Variants in RANBP2 observed in about 807,000 individuals in gnomAD.
RANBP2 encodes the protein E3 SUMO-protein ligase RanBP2.
In RANBP2, 57 loss-of-function variants were observed where a neutral mutation model predicts 303.6. The observed-to-expected ratio is 0.19, with a 90% CI of 0.15 to 0.23. The LOEUF (loss-of-function observed/expected upper bound fraction) is 0.23. Among genes scored for constraint, RANBP2 ranks in the 10% least tolerant of loss-of-function variants. The pLI is 1.00. For missense variants in RANBP2, 3,138 were observed against 3,780.8 expected (o/e 0.83, Z 4.46); for synonymous variants, 1,167 against 1,301.5 (o/e 0.90, Z 2.23).
At chr2:109,180,959 TAC>T in the RANBP2 span, among the ~76,000 whole-genome samples, 2 of 152,226 alleles carry the variant, frequency 1.3e-5, no homozygotes, top group Admixed American at 6.5e-5. Context: ...GCAATATGTT[TAC>T]CCTGATGCAA....
chr2:109,090,336 A>C, the RANBP2 span, among the ~76,000 whole-genome samples: 62,962 of 143,634 alleles, frequency 0.44, 14,244 homozygotes, highest in South Asian at 0.58. Flanking sequence ...ACACACACAC[A>C]CACACACACA....
the RANBP2 span, among the ~76,000 whole-genome samples, chr2:109,445,320 C>T: frequency 6.6e-6 from 1 of 152,164 alleles, no homozygotes; most frequent in Non-Finnish European, 1.5e-5. Flanking sequence ...CAAGTCCTCA[C>T]ACAGAAAGCA....
chr2:108,889,310 A>G, the RANBP2 span, among the ~76,000 whole-genome samples: 14 of 152,276 alleles, frequency 9.2e-5, no homozygotes, highest in African/African-American at 2.2e-4. Context: ...GTTAGGACCA[A>G]TTGCTCTAAA....
At chr2:109,199,597 T>TCATTCC in the RANBP2 span, among the ~76,000 whole-genome samples, 1 of 274 alleles carries the variant, frequency 3.6e-3, no homozygotes, top group Non-Finnish European at 6.8e-3. Context: ...TGGAATGGAA[T>TCATTCC]GGAATGGAAT....
the RANBP2 span, among the ~76,000 whole-genome samples, chr2:109,560,166 C>T: frequency 2.0e-5 from 3 of 152,230 alleles, no homozygotes; most frequent in South Asian, 2.1e-4. Flanking sequence ...GTGATCCGCC[C>T]GCCTCAGCCT....
the RANBP2 span, among the ~76,000 whole-genome samples, chr2:109,022,907 C>T: frequency 2.1e-4 from 32 of 151,872 alleles, no homozygotes; most frequent in African/African-American, 6.0e-4. Flanking sequence ...AAAAATTACC[C>T]GGGCGTGGTG....
At chr2:108,979,760 C>A in the RANBP2 span, among the ~76,000 whole-genome samples, 4 of 152,232 alleles carry the variant, frequency 2.6e-5, no homozygotes, top group South Asian at 2.1e-4. Context: ...GCCACTGAGG[C>A]GCATGTCACC....
the RANBP2 span, among the ~76,000 whole-genome samples, chr2:109,247,376 A>G: frequency 1.8e-4 from 27 of 152,158 alleles, no homozygotes; most frequent in African/African-American, 6.3e-4. Flanking sequence ...TTTACTTCCT[A>G]AGTAACCTAG....
the RANBP2 span, chr2:109,605,481 A>G: frequency 3.0e-5 from 4 of 133,956 alleles, no homozygotes; most frequent in African/African-American, 1.1e-4. Context: ...AAAAAATAAT[A>G]ATAAATAAAT....
At chr2:108,873,542 A>T in the RANBP2 span, 1 of 1,611,746 alleles carries the variant, frequency 6.2e-7, no homozygotes, top group South Asian at 1.1e-5. Context: ...TTGATCTTCA[A>T]ATACTAGAAA....
At chr2:109,192,086 G>A in the RANBP2 span, among the ~76,000 whole-genome samples, 4 of 152,104 alleles carry the variant, frequency 2.6e-5, no homozygotes, top group African/African-American at 7.2e-5. Flanking sequence ...CAAACCGAGC[G>A]ACAGAAGTCA....
At chr2:109,301,547 C>A in the RANBP2 span, among the ~76,000 whole-genome samples, 1 of 151,900 alleles carries the variant, frequency 6.6e-6, no homozygotes, top group Non-Finnish European at 1.5e-5. Flanking sequence ...GTGCCCAGAG[C>A]CCATAAACCA....
chr2:108,760,131 A>T (rs1198945973), intron 18 of RANBP2, among the ~76,000 whole-genome samples: 259 of 152,206 alleles, frequency 1.7e-3, no homozygotes, highest in Non-Finnish European at 2.8e-3. Context: ...CTTGTTTTTT[A>T]AAAATAAGAT....
At chr2:109,680,187 C>CAAA in the RANBP2 span, among the ~76,000 whole-genome samples, 239 of 127,618 alleles carry the variant, frequency 1.9e-3, no homozygotes, top group Middle Eastern at 4.3e-3. Context: ...ACTAAAAATA[C>CAAA]AAAAAAAAAA....
the RANBP2 span, among the ~76,000 whole-genome samples, chr2:109,669,715 C>T: frequency 2.0e-4 from 30 of 152,242 alleles, no homozygotes; most frequent in South Asian, 2.1e-3. Context: ...CAACCCTCAC[C>T]GCCTCTGGCT....
At chr2:109,126,623 T>G in the RANBP2 span, among the ~76,000 whole-genome samples, 10 of 152,228 alleles carry the variant, frequency 6.6e-5, no homozygotes, top group African/African-American at 2.4e-4. Context: ...TTCTGTCATG[T>G]GGGTTGGGAA....
the RANBP2 span, chr2:109,251,343 A>G: frequency 2.1e-5 from 11 of 533,608 alleles, no homozygotes; most frequent in South Asian, 1.9e-4. Context: ...GAGATGCAAG[A>G]CACCCGGCCT....
At chr2:109,166,154 T>C in the RANBP2 span, among the ~76,000 whole-genome samples, 1 of 152,122 alleles carries the variant, frequency 6.6e-6, no homozygotes, top group African/African-American at 2.4e-5. Context: ...TTAATATGGT[T>C]GGCTTTTTCC....
chr2:108,757,648 C>T (rs943389873), intron 17 of RANBP2, among the ~76,000 whole-genome samples: 6 of 152,032 alleles, frequency 3.9e-5, no homozygotes, highest in South Asian at 2.1e-4. Context: ...GGAGGTAACG[C>T]GGAATGTCAG....
Sources: allele counts gnomAD v4.1 joint callset (sites outside exome capture counted in the v4.1 genomes callset), GRCh38; gene constraint gnomAD v4.1.1; transcripts MANE v1.5; gene names NCBI Gene and HGNC (gene_info 2026-07-23, HGNC 2026-07-21).